NLRP13: variants seen among roughly 807,000 people sequenced by gnomAD.
NLRP13 encodes the protein NLR family pyrin domain containing 13, also known as NACHT, LRR and PYD domains-containing protein 13.
In NLRP13, 82 loss-of-function variants were observed where a neutral mutation model predicts 94.4. The observed-to-expected ratio is 0.87, with a 90% confidence interval of 0.73 to 1.04. NLRP13 has a LOEUF of 1.04. Ranked by LOEUF, NLRP13 falls within the 50% of genes least tolerant of loss-of-function variation. The pLI is 0.00. For synonymous variants in NLRP13, 553 were observed against 464.7 expected (o/e 1.19, Z -2.45); for missense variants, 1,426 against 1,230.8 (o/e 1.16, Z -2.37).
At chr19:55,892,409 A>T (rs1306144510), downstream of NLRP13, among the ~76,000 whole-genome samples, 1 of 152,000 alleles carries the variant, frequency 6.6e-6, no homozygotes, top group Non-Finnish European at 1.5e-5. Flanking sequence ...ATATTCATAT[A>T]CATACACACA....
intron 4 of NLRP13, among the ~76,000 whole-genome samples, chr19:55,918,985 A>T (rs1408362101): frequency 6.6e-6 from 1 of 152,072 alleles, no homozygotes; most frequent in Non-Finnish European, 1.5e-5. Flanking sequence ...AAAATACCAG[A>T]AAACTGATCC....
rs577050219 is a variant in NLRP13 at position 55,908,268 on chromosome 19, C to A, written c.2283-312G>T. On this transcript the variant is annotated intron_variant, in intron 6 of 10. Transcript: ENST00000342929. ...CCTATTCTTCTAGGAAATGACCCCC[C>A]CATATACACATACAATCCAACCTAG... 3.2e-4 allele frequency among the ~76,000 whole-genome samples: 49 copies of A among 152,222 alleles called. 1 individual carries two copies. The highest frequency in any genetic ancestry group is 1.2e-3 in the African/African-American group (49 of 41,526).
intron 8 of NLRP13, among the ~76,000 whole-genome samples, chr19:55,903,597 G>C (rs1038672535): frequency 1.3e-5 from 2 of 151,972 alleles, no homozygotes; most frequent in African/African-American, 4.8e-5. Flanking sequence ...GGCATCTCAA[G>C]CTCCTATACC....
rs1986401053 is a variant in NLRP13, at chr19:55,907,958, T to C, written c.2283-2A>G. 6.3e-7 allele frequency: 1 copy of C among 1,591,562 alleles called. No individual in the cohort carries two copies. The highest frequency in any genetic ancestry group is 1.3e-5 in the African/African-American group (1 of 74,186). On this transcript the variant is annotated splice_acceptor_variant, in intron 6 of 10. Coordinates refer to ENST00000342929, the MANE Select transcript of NLRP13 (RefSeq NM_176810.2). LOFTEE classifies it high-confidence loss of function. The stretch of plus-strand genomic sequence containing the variant: ...CACTCAGGAGTTACCGATTTGCACC[T>C]GAGGAAGGGAAGGGACATGAAAGCT...
chr19:55,891,877 T>G (rs897107509), downstream of NLRP13: 13 of 391,378 alleles, frequency 3.3e-5, no homozygotes, highest in Admixed American at 3.6e-4. Context: ...TGACAAAGCC[T>G]CCTGCAGGGA....
Position 55,904,864 on chromosome 19 carries a change from T to C in NLRP13, c.2618+78A>G. The C allele has an allele frequency of 3.4e-6, 4 of 1,186,356 alleles. No homozygotes were observed. In the East Asian group the frequency reaches 9.8e-5, roughly 29 times the overall value. 73.5% of individuals were successfully genotyped at this position (1,186,356 alleles called of 1,614,324 possible). On this transcript the variant is annotated intron_variant, in intron 8 of 10. Coordinates refer to ENST00000342929, the MANE Select transcript of NLRP13 (RefSeq NM_176810.2). The stretch of plus-strand genomic sequence containing the variant: ...GTTACTTTTTAATAATATAAATAGA[T>C]ATCAAATGAAGAAACCATTGTTCTA...
At chr19:55,901,919 A>C in intron 9 of NLRP13, 116 bp downstream of exon 9, 1 of 1,083,178 alleles carries the variant, frequency 9.2e-7, no homozygotes, top group Admixed American at 2.6e-5. Context: ...AAGCTCCTCC[A>C]TGGCAAAGAG....
In NLRP13 at chr19:55,912,496, T is replaced by C. The variant is rs1362600917; in HGVS notation, c.1321A>G (p.Arg441Gly). The C allele has an allele frequency of 3.1e-6, 5 of 1,613,976 alleles. No homozygotes were observed. The highest frequency in any genetic ancestry group is 4.2e-6 in the Non-Finnish European group (5 of 1,180,006). ...VCSCLKQPKV[R>G]YYDLQSITQT... ...GTGATTGACTGGAGATCGTAATACCTCACCTTCGGCTGCTTCAGACAGGAA... is the reference window on the plus strand; with the variant it reads ...GTGATTGACTGGAGATCGTAATACCCCACCTTCGGCTGCTTCAGACAGGAA... Residue 441 changes from arginine (R) to glycine (G), a missense_variant, in exon 5 of 11, where the codon AGG becomes GGG. Coordinates refer to ENST00000342929, the MANE Select transcript of NLRP13 (RefSeq NM_176810.2).
Position 55,901,695 on chromosome 19 carries a change from G to A in NLRP13, c.2789+340C>T, listed in dbSNP as rs186112083. Among the ~76,000 whole-genome samples the A allele has an allele frequency of 1.4e-3, 213 of 152,262 alleles. 1 individual carries two copies. Among genetic ancestry groups the A allele is most frequent in the African/African-American group, 5.0e-3 (206 of 41,558 alleles). ...GAGGGCTCCTGGGAGCTTATGTCTG[G>A]TTTCCTCTGGACTCTGTCCCAAGCC... is the stretch of plus-strand genomic sequence containing the variant. On this transcript the variant is annotated intron_variant, in intron 9 of 10. Coordinates refer to ENST00000342929, the MANE Select transcript of NLRP13 (RefSeq NM_176810.2).
chr19:55,921,735 G>A (rs1033796923), intron 4 of NLRP13, among the ~76,000 whole-genome samples: 1 of 152,112 alleles, frequency 6.6e-6, no homozygotes, highest in Admixed American at 6.6e-5. Flanking sequence ...AGGAGCAGAG[G>A]GAGATGAGGC....
chr19:55,931,931 G>T lies in NLRP13; in HGVS notation c.319+62C>A, dbSNP rs76282033. On this transcript the variant is annotated intron_variant, in intron 1 of 10. Coordinates refer to ENST00000342929, the MANE Select transcript of NLRP13 (RefSeq NM_176810.2). ...GGAATGACCCCACAAAAACCCAGCG[G>T]CTACCTCCTTGCCTCAGGAGTACCA... is the stretch of plus-strand genomic sequence containing the variant. The T allele has an allele frequency of 2.1e-3, 3,137 of 1,494,422 alleles. 40 individuals carry two copies. In the African/African-American group the frequency reaches 0.026, roughly 12 times the overall value. 92.6% of individuals were successfully genotyped at this position (1,494,422 alleles called of 1,614,324 possible).
At chr19:55,920,070 G>T (rs890807882) in intron 4 of NLRP13, among the ~76,000 whole-genome samples, 1 of 152,084 alleles carries the variant, frequency 6.6e-6, no homozygotes, top group African/African-American at 2.4e-5. Flanking sequence ...ATAAAAACAC[G>T]CACTAGGGAA....
Position 55,932,096 on chromosome 19 carries a change from C to G in NLRP13, c.216G>C (p.Leu72Phe), listed in dbSNP as rs1189681826. 6.2e-7 allele frequency: 1 copy of G among 1,614,130 alleles called. No homozygotes were observed. Among genetic ancestry groups the G allele is most frequent in the South Asian group, 1.1e-5 (1 of 91,070 alleles). Residue 72 changes from leucine (L) to phenylalanine (F), a missense_variant, in exon 1 of 11, where the codon TTG becomes TTC. Transcript: ENST00000342929. The stretch of plus-strand genomic sequence containing the variant: ...CCTGACCTTTTGGGAAGTGTTCATC[C>G]AAAAGAAAGGACAGATTCAAAGGGT... ...AADPLNLSFL[L>F]DEHFPKGQAW... is the part of the protein sequence containing the mutation.
At chr19:55,903,427 A>G (rs941561335) in intron 8 of NLRP13, among the ~76,000 whole-genome samples, 6 of 152,044 alleles carry the variant, frequency 3.9e-5, no homozygotes, top group African/African-American at 1.5e-4. Context: ...CTTTCCCTCT[A>G]TTCCACACCT....
rs778748255 is a variant in NLRP13, at chr19:55,932,200, G to T, written c.112C>A (p.Pro38Thr). The T allele has an allele frequency of 1.8e-5, 29 of 1,613,842 alleles. No homozygotes were observed. In the East Asian group the frequency reaches 4.2e-4, roughly 24 times the overall value. Residue 38 changes from proline (P) to threonine (T), a missense_variant, in exon 1 of 11, where the codon CCC becomes ACC. Pro to Thr is a conservative substitution (Grantham distance 38). Coordinates refer to ENST00000342929, the MANE Select transcript of NLRP13 (RefSeq NM_176810.2). ...QLEEFKLCLE[P>T]QQLMDFWSAP... The stretch of plus-strand genomic sequence containing the variant: ...GACCAGAAGTCCATCAGCTGCTGGG[G>T]TTCCAAGCAAAGCTTGAATTCCTCC...
intron 6 of NLRP13, 104 bp from the exon 7 acceptor site, chr19:55,908,060 T>C (rs1229477912): frequency 4.1e-6 from 4 of 981,030 alleles, no homozygotes; most frequent in Non-Finnish European, 6.1e-6. Flanking sequence ...ACTGCCAAGG[T>C]TATACACGGT....
intron 1 of NLRP13, among the ~76,000 whole-genome samples, chr19:55,929,309 TAAAG>T (rs1334548747): frequency 6.6e-6 from 1 of 152,168 alleles, no homozygotes; most frequent in Non-Finnish European, 1.5e-5. Flanking sequence ...CATTCTACTA[TAAAG>T]ACTCTTGCAC....
At chr19:55,914,201 C>T (rs1012989203) in intron 4 of NLRP13, among the ~76,000 whole-genome samples, 13 of 152,176 alleles carry the variant, frequency 8.5e-5, no homozygotes, top group South Asian at 2.1e-4. Flanking sequence ...GGGCCAGGAC[C>T]TCTACAGAGG....
rs779259380 is a variant in NLRP13 at position 55,907,948 on chromosome 19, G to A, written c.2291C>T (p.Ser764Leu). 2.8e-5 allele frequency: 44 copies of A among 1,595,040 alleles called. No individual in the cohort carries two copies. Among genetic ancestry groups the A allele is most frequent in the African/African-American group, 6.7e-5 (5 of 74,270 alleles). ...CTGCAGAACCCACTCAGGAGTTACCGATTTGCACCTGAGGAAGGGAAGGGA... is the reference window on the plus strand; with the variant it reads ...CTGCAGAACCCACTCAGGAGTTACCAATTTGCACCTGAGGAAGGGAAGGGA... Reference protein sequence around the residue: ...RCKVQKLTCKSVTPEWVLQDL... With the variant: ...RCKVQKLTCKLVTPEWVLQDL... The change falls in exon 7 of 11, where the codon TCG (serine) becomes TTG (leucine). Residue 764 changes from serine to leucine, a missense_variant. Coordinates refer to ENST00000342929, the MANE Select transcript of NLRP13 (RefSeq NM_176810.2).
Sources: allele counts gnomAD v4.1 joint callset (sites outside exome capture counted in the v4.1 genomes callset), GRCh38; gene constraint gnomAD v4.1.1; transcripts MANE v1.5; gene names NCBI Gene and HGNC (gene_info 2026-07-23, HGNC 2026-07-21).